The following GRAMD1B variants were observed in gnomAD, a reference collection of about 807,000 sequenced individuals.
GRAMD1B encodes the protein GRAM domain containing 1B.
A neutral mutation model predicts 99.7 loss-of-function variants in GRAMD1B; 37 were observed. The ratio of observed to expected loss-of-function variants is 0.37; its 90% CI spans 0.29 to 0.49. The LOEUF (loss-of-function observed/expected upper bound fraction) is 0.49. Ranked by LOEUF, GRAMD1B falls within the 20% of genes least tolerant of loss-of-function variation. GRAMD1B has a pLI of 0.98. For missense variants in GRAMD1B, 888 were observed against 1,009.2 expected, an observed-to-expected ratio of 0.88 and a Z score of 1.63; for synonymous variants, 427 against 387.6, an observed-to-expected ratio of 1.10 and a Z score of -1.19.
chr11:123,359,380 C>T (rs185751479), intron 1 of GRAMD1B, among the ~76,000 whole-genome samples: 2 of 118,518 alleles, frequency 1.7e-5, no homozygotes, highest in East Asian at 5.2e-4. Context: ...TTCTCGTTTC[C>T]TCTGAGGGTG....
intron 1 of GRAMD1B, among the ~76,000 whole-genome samples, chr11:123,431,398 G>A (rs114167697): frequency 0.013 from 1,999 of 152,364 alleles, 55 homozygotes; most frequent in African/African-American, 0.046. Flanking sequence ...ACACGTTTAC[G>A]TGGGGCTTTA....
intron 2 of GRAMD1B, among the ~76,000 whole-genome samples, chr11:123,566,347 T>G (rs928408887): frequency 6.6e-6 from 1 of 152,208 alleles, no homozygotes; most frequent in African/African-American, 2.4e-5. Context: ...ATTTTAGTTT[T>G]CATGGACCCA....
chr11:123,452,159 G>A (rs940861156), intron 1 of GRAMD1B, among the ~76,000 whole-genome samples: 5 of 152,118 alleles, frequency 3.3e-5, no homozygotes, highest in African/African-American at 9.7e-5. Flanking sequence ...TTGACCATCC[G>A]TTAGGCAGTC....
intron 2 of GRAMD1B, among the ~76,000 whole-genome samples, chr11:123,494,479 C>G (rs138076603): frequency 6.7e-6 from 1 of 150,136 alleles, no homozygotes; most frequent in Non-Finnish European, 1.5e-5. Context: ...GGCAAAGAAG[C>G]AAGTGAGTGC....
chr11:123,419,109 CA>C (rs1173105561), intron 1 of GRAMD1B, among the ~76,000 whole-genome samples: 2 of 152,094 alleles, frequency 1.3e-5, no homozygotes, highest in Non-Finnish European at 2.9e-5. Context: ...AGGACATTCT[CA>C]AAGGAGAACA....
chr11:123,450,325 C>A (rs905641868), intron 1 of GRAMD1B, among the ~76,000 whole-genome samples: 4 of 152,168 alleles, frequency 2.6e-5, no homozygotes, highest in Admixed American at 2.6e-4. Flanking sequence ...GTTGTTCCTC[C>A]TGCAGGGGAA....
intron 2 of GRAMD1B, among the ~76,000 whole-genome samples, chr11:123,573,352 C>T (rs1438020824): frequency 1.3e-5 from 2 of 152,116 alleles, no homozygotes; most frequent in Non-Finnish European, 2.9e-5. Context: ...AAAAAAATGC[C>T]AAATCCTCTT....
chr11:123,566,840 G>A (rs1003757181), intron 2 of GRAMD1B, among the ~76,000 whole-genome samples: 7 of 152,154 alleles, frequency 4.6e-5, no homozygotes, highest in African/African-American at 1.7e-4. Context: ...ACCCCAGTAT[G>A]TGCCAGTCAT....
chr11:123,502,774 C>CAAAAAAAAAAAAAAA (rs34321315), intron 2 of GRAMD1B, among the ~76,000 whole-genome samples: 1 of 98,520 alleles, frequency 1.0e-5, no homozygotes, highest in African/African-American at 3.9e-5. Context: ...GACTCCATCT[C>CAAAAAAAAAAAAAAA]AAAAAAAAAA....
chr11:123,529,625 C>A (rs1227395723), intron 2 of GRAMD1B, among the ~76,000 whole-genome samples: 1 of 152,178 alleles, frequency 6.6e-6, no homozygotes, highest in Non-Finnish European at 1.5e-5. Context: ...GCCCAAGACT[C>A]TGTGGGGCAT....
chr11:123,583,395 C>CGTGTGT (rs754520823), intron 3 of GRAMD1B, among the ~76,000 whole-genome samples: 3 of 81,120 alleles, frequency 3.7e-5, no homozygotes, highest in Admixed American at 1.1e-4. Flanking sequence ...TGTATGTGTG[C>CGTGTGT]GTGTGTGTGT....
chr11:123,475,139 A>T (rs1300347936), intron 1 of GRAMD1B, among the ~76,000 whole-genome samples: 1 of 152,152 alleles, frequency 6.6e-6, no homozygotes, highest in East Asian at 1.9e-4. Context: ...TCGTGGGTTT[A>T]GTCTGTACTT....
At chr11:123,603,671 G>A in intron 9 of GRAMD1B, 130 bp downstream of exon 9, 1 of 679,164 alleles carries the variant, frequency 1.5e-6, no homozygotes, top group Non-Finnish European at 2.7e-6. Context: ...AGGAGGGAAA[G>A]TGGTCACAGG....
intron 1 of GRAMD1B, among the ~76,000 whole-genome samples, chr11:123,461,367 G>C (rs893804306): frequency 1.3e-5 from 2 of 152,210 alleles, no homozygotes; most frequent in Non-Finnish European, 2.9e-5. Context: ...TCTGCAGCTG[G>C]CCGAGCCCTT....
At chr11:123,522,855 T>C (rs1332401793) in intron 2 of GRAMD1B, among the ~76,000 whole-genome samples, 3 of 152,260 alleles carry the variant, frequency 2.0e-5, no homozygotes, top group Admixed American at 6.5e-5. Flanking sequence ...CTTTTTTAAC[T>C]GTTACCTGGA....
At chr11:123,448,149 G>A (rs991154249) in intron 1 of GRAMD1B, among the ~76,000 whole-genome samples, 2 of 152,022 alleles carry the variant, frequency 1.3e-5, no homozygotes, top group East Asian at 1.9e-4. Context: ...GCTTCCAGGT[G>A]TGGTCCACAG....
At chr11:123,554,392 A>G (rs1398563322) in intron 2 of GRAMD1B, among the ~76,000 whole-genome samples, 2 of 152,082 alleles carry the variant, frequency 1.3e-5, no homozygotes, top group Non-Finnish European at 2.9e-5. Flanking sequence ...GGAAAATTTA[A>G]TATTAAGAAT....
At chr11:123,408,097 G>T (rs1947917002) in intron 1 of GRAMD1B, among the ~76,000 whole-genome samples, 2 of 152,206 alleles carry the variant, frequency 1.3e-5, no homozygotes, top group African/African-American at 4.8e-5. Flanking sequence ...CTAAACTTTA[G>T]AACACCAGTG....
intron 2 of GRAMD1B, among the ~76,000 whole-genome samples, chr11:123,497,304 T>G (rs1271562592): frequency 6.6e-6 from 1 of 152,160 alleles, no homozygotes; most frequent in Non-Finnish European, 1.5e-5. Context: ...CTCCTGGAAC[T>G]GAGAGTAGGG....
Sources: allele counts gnomAD v4.1 joint callset (sites outside exome capture counted in the v4.1 genomes callset), GRCh38; gene constraint gnomAD v4.1.1; transcripts MANE v1.5; gene names NCBI Gene and HGNC (gene_info 2026-07-23, HGNC 2026-07-21).